Variants in C5orf15 observed in about 807,000 individuals in gnomAD.
C5orf15 encodes chromosome 5 open reading frame 15.
C5orf15 carries 10 observed loss-of-function variants against 17.8 expected under a neutral mutation model. That is an observed-to-expected ratio of 0.56 (90% CI 0.35 to 0.95). C5orf15 has a LOEUF of 0.95. C5orf15 is among the 40% of genes least tolerant of loss of function. The pLI, the probability that C5orf15 is intolerant of heterozygous loss-of-function variation, is 0.02. For synonymous variants in C5orf15, 124 were observed against 131.0 expected, an observed-to-expected ratio of 0.95 and a Z score of 0.36; for missense variants, 319 against 331.7, an observed-to-expected ratio of 0.96 and a Z score of 0.30.
At chr5:133,966,632 C>G (rs1752197275) in intron 1 of C5orf15, among the ~76,000 whole-genome samples, 2 of 152,188 alleles carry the variant, frequency 1.3e-5, no homozygotes, top group Non-Finnish European at 1.5e-5. Context: ...AATGTGGTAA[C>G]CTTCTACCTT....
In C5orf15 at chr5:133,956,936, C is replaced by G; in HGVS notation, c.721G>C (p.Val241Leu). 1 of 1,611,944 alleles carries G rather than the reference C, an allele frequency of 6.2e-7. No homozygotes were observed. The highest frequency in any genetic ancestry group is 1.1e-5 in the South Asian group (1 of 90,556). ...KWRDGLCSKT[V>L]EYHRLDQNVN... ...TTCTGATCTAGGCGATGGTATTCCA[C>G]TGTTTTGGAACAAAGGCCATCACGC... The change falls in exon 3 of 3, where the codon GTG becomes CTG. Residue 241 changes from valine to leucine, a missense_variant. Around this residue, in one of 3 missense-constraint regions of C5orf15, gnomAD observed 175 missense variants for 192.4 expected, o/e 0.91. Transcript: ENST00000231512.
intron 2 of C5orf15, among the ~76,000 whole-genome samples, chr5:133,957,228 G>A (rs1752053722): frequency 6.6e-6 from 1 of 151,902 alleles, no homozygotes; most frequent in African/African-American, 2.4e-5. Flanking sequence ...GCCAGGCATG[G>A]AGGCGCTTGC....
At chr5:133,961,492 G>A (rs1054502208) in intron 1 of C5orf15, among the ~76,000 whole-genome samples, 1 of 148,626 alleles carries the variant, frequency 6.7e-6, no homozygotes, top group Non-Finnish European at 1.5e-5. Context: ...GTTGCAGTGA[G>A]CCGAGATGGC....
At chr5:133,962,220 G>A (rs1752133813) in intron 1 of C5orf15, among the ~76,000 whole-genome samples, 1 of 152,252 alleles carries the variant, frequency 6.6e-6, no homozygotes, top group Non-Finnish European at 1.5e-5. Context: ...AGCTGATAGG[G>A]TGGGAATAAT....
At chr5:133,958,166 T>C (rs1752063200) in intron 2 of C5orf15, among the ~76,000 whole-genome samples, 1 of 152,078 alleles carries the variant, frequency 6.6e-6, no homozygotes, top group South Asian at 2.1e-4. Flanking sequence ...GGAGGATTAC[T>C]TGAGGCCAGG....
intron 1 of C5orf15, among the ~76,000 whole-genome samples, chr5:133,967,236 G>A (rs952935326): frequency 3.3e-5 from 5 of 152,204 alleles, no homozygotes; most frequent in Non-Finnish European, 7.3e-5. Flanking sequence ...CTTAGGAAAT[G>A]GACAGCAGTC....
rs753942566 is a variant in C5orf15, at chr5:133,956,898, T to G, written c.759A>C (p.Ala253=). Residue 253 remains alanine (A), a synonymous_variant, in exon 3 of 3, where the codon GCA becomes GCC. Coordinates refer to ENST00000231512, the MANE Select transcript of C5orf15 (RefSeq NM_020199.3). The part of the protein sequence containing the change: ...YHRLDQNVNE[A]MPSLKITNDY... The stretch of plus-strand genomic sequence containing the variant: ...CATTGGTAATCTTCAAAGAAGGCAT[T>G]GCCTCATTAACATTCTGATCTAGGC... 1.5e-5 allele frequency: 24 copies of G among 1,606,198 alleles called. No individual in the cohort carries two copies. The South Asian group carries it at 2.4e-4, about 16-fold the overall frequency.
At chr5:133,967,843 T>TA (rs1467239240) in intron 1 of C5orf15, among the ~76,000 whole-genome samples, 3 of 152,112 alleles carry the variant, frequency 2.0e-5, no homozygotes, top group African/African-American at 7.2e-5. Context: ...AGACAGCTCT[T>TA]TCCCTTTCAC....
chr5:133,959,326 C>T (rs539970400), intron 2 of C5orf15, among the ~76,000 whole-genome samples, 168 bp downstream of exon 2: 10 of 141,312 alleles, frequency 7.1e-5, no homozygotes, highest in Middle Eastern at 4.1e-3. Flanking sequence ...CCTAGGAGGT[C>T]GAGGCTCCAG....
chr5:133,965,472 GAGA>G (rs781427110), intron 1 of C5orf15, among the ~76,000 whole-genome samples: 9 of 152,192 alleles, frequency 5.9e-5, no homozygotes, highest in Non-Finnish European at 1.0e-4. Context: ...CTTCAAATCA[GAGA>G]AGTTGATTAA....
At chr5:133,958,119 C>T (rs970052942) in intron 2 of C5orf15, among the ~76,000 whole-genome samples, 1 of 151,894 alleles carries the variant, frequency 6.6e-6, no homozygotes, top group African/African-American at 2.4e-5. Context: ...CACAGTGGCT[C>T]ACGCCTATAA....
chr5:133,963,458 A>G (rs1178138226), intron 1 of C5orf15, among the ~76,000 whole-genome samples: 1 of 152,198 alleles, frequency 6.6e-6, no homozygotes, highest in Non-Finnish European at 1.5e-5. Context: ...TTCTCCCACT[A>G]AAAACAACTA....
At chr5:133,960,153 T>A in intron 1 of C5orf15, 133 bp from the exon 2 acceptor site, 1 of 675,836 alleles carries the variant, frequency 1.5e-6, no homozygotes, top group Non-Finnish European at 2.4e-6. Context: ...AACTAGTTAT[T>A]AAGTCTCAAT....
chr5:133,958,086 A>T (rs994987192), intron 2 of C5orf15, among the ~76,000 whole-genome samples: 5 of 151,916 alleles, frequency 3.3e-5, no homozygotes, highest in African/African-American at 4.8e-5. Flanking sequence ...GTAAACCATG[A>T]ATCTAGTATG....
At chr5:133,964,831 T>A (rs1443600948) in intron 1 of C5orf15, among the ~76,000 whole-genome samples, 21 of 152,176 alleles carry the variant, frequency 1.4e-4, no homozygotes. Context: ...CCTCCACTGC[T>A]CCTGCCTCAT....
intron 1 of C5orf15, among the ~76,000 whole-genome samples, chr5:133,965,498 G>A (rs777331958): frequency 5.9e-5 from 9 of 152,198 alleles, no homozygotes; most frequent in Non-Finnish European, 8.8e-5. Flanking sequence ...CAGATATGAA[G>A]AGTATTCAGA....
At position 133,968,579 on chromosome 5, in the gene C5orf15, G is replaced by C; in HGVS notation, c.6C>G (p.Ala2=). ...CCCTCATCCTCTTCGGGACGGCAGCGGCCATAACGGACTCGGCTGGGAGCC... is the reference window on the plus strand; with the variant it reads ...CCCTCATCCTCTTCGGGACGGCAGCCGCCATAACGGACTCGGCTGGGAGCC... M[A]AAVPKRMRGP... Residue 2 remains alanine (A), a synonymous_variant, in exon 1 of 3, where the codon GCC becomes GCG. Transcript: ENST00000231512. The C allele has an allele frequency of 6.2e-7, 1 of 1,609,400 alleles. No individual in the cohort carries two copies. Among genetic ancestry groups the C allele is most frequent in the Non-Finnish European group, 8.5e-7 (1 of 1,178,296 alleles).
At chr5:133,963,630 A>C (rs1397045644) in intron 1 of C5orf15, among the ~76,000 whole-genome samples, 1 of 152,250 alleles carries the variant, frequency 6.6e-6, no homozygotes, top group Non-Finnish European at 1.5e-5. Flanking sequence ...GACAAAAAAT[A>C]AAAATGGCAG....
intron 2 of C5orf15, among the ~76,000 whole-genome samples, chr5:133,958,576 C>CAAAAAAAAAAAAA (rs71581378): frequency 9.4e-5 from 3 of 31,978 alleles, no homozygotes; most frequent in African/African-American, 2.4e-4. Flanking sequence ...AGCTCTGTCT[C>CAAAAAAAAAAAAA]AAAAAAAAAA....
Sources: gnomAD v4.1 joint callset for allele counts (sites outside exome capture counted in the v4.1 genomes callset) on GRCh38, gnomAD v4.1.1 for gene constraint, gnomAD v4.1.1 regional missense constraint, MANE v1.5 for transcripts, NCBI Gene and HGNC (gene_info 2026-07-23, HGNC 2026-07-21) for gene names.